ARHGAP15: variants seen among roughly 807,000 people sequenced by gnomAD.
ARHGAP15 encodes the protein rho GTPase-activating protein 15.
ARHGAP15 carries 51 observed loss-of-function variants against 63.7 expected under a neutral mutation model. The ratio of observed to expected loss-of-function variants is 0.80; its 90% CI spans 0.64 to 1.01. ARHGAP15 has a LOEUF of 1.01. Ranked by LOEUF, ARHGAP15 falls within the 50% of genes least tolerant of loss-of-function variation. The pLI, the probability that ARHGAP15 is intolerant of heterozygous loss-of-function variation, is 0.00. For synonymous variants in ARHGAP15, 191 were observed against 193.8 expected (o/e 0.99, Z 0.12); for missense variants, 560 against 564.6 (o/e 0.99, Z 0.08).
intron 6 of ARHGAP15, among the ~76,000 whole-genome samples, chr2:143,391,164 T>C (rs1208392722): frequency 2.0e-5 from 3 of 152,210 alleles, no homozygotes; most frequent in Non-Finnish European, 4.4e-5. Flanking sequence ...ACAAAAGTTA[T>C]TACAGGTCCA....
At chr2:143,305,711 ATCT>A (rs879560762) in intron 6 of ARHGAP15, among the ~76,000 whole-genome samples, 12 of 152,118 alleles carry the variant, frequency 7.9e-5, no homozygotes, top group South Asian at 4.1e-4. Context: ...GATACAATCA[ATCT>A]TCTTATTGCA....
intron 1 of ARHGAP15, among the ~76,000 whole-genome samples, chr2:143,136,138 C>T (rs995764588): frequency 6.6e-6 from 1 of 151,648 alleles, no homozygotes; most frequent in Admixed American, 6.6e-5. Flanking sequence ...GGACAAGAGT[C>T]TAAGAATTAT....
intron 10 of ARHGAP15, among the ~76,000 whole-genome samples, chr2:143,538,660 CTCTGTTT>C (rs1694893387): frequency 2.0e-5 from 3 of 152,244 alleles, no homozygotes; most frequent in Non-Finnish European, 4.4e-5. Context: ...GTCTTTGATT[CTCTGTTT>C]ATGCTGGATT....
At chr2:143,286,828 A>T (rs546441153) in intron 6 of ARHGAP15, among the ~76,000 whole-genome samples, 171 of 152,342 alleles carry the variant, frequency 1.1e-3, no homozygotes, top group African/African-American at 3.9e-3. Flanking sequence ...TTACACAAAC[A>T]TAGATGGTAT....
chr2:143,196,358 A>C (rs1691886929), intron 2 of ARHGAP15, among the ~76,000 whole-genome samples: 1 of 152,084 alleles, frequency 6.6e-6, no homozygotes, highest in African/African-American at 2.4e-5. Context: ...AGGACGTGAT[A>C]ATTCAATAGG....
chr2:143,383,590 A>T (rs1472625950), intron 6 of ARHGAP15, among the ~76,000 whole-genome samples: 1 of 152,232 alleles, frequency 6.6e-6, no homozygotes, highest in African/African-American at 2.4e-5. Flanking sequence ...TCTCGATATT[A>T]AGCCAGATCC....
chr2:143,396,890 T>TTA (rs2104984731), intron 6 of ARHGAP15, among the ~76,000 whole-genome samples: 1 of 152,208 alleles, frequency 6.6e-6, no homozygotes, highest in African/African-American at 2.4e-5. Flanking sequence ...TGAAGATTAT[T>TTA]TATATGAATT....
intron 10 of ARHGAP15, among the ~76,000 whole-genome samples, chr2:143,550,787 T>G (rs975856249): frequency 2.0e-5 from 3 of 152,152 alleles, no homozygotes; most frequent in Non-Finnish European, 4.4e-5. Context: ...CATGTTCCCT[T>G]TTTAAAAAAT....
At chr2:143,273,775 A>C (rs1339714531) in intron 6 of ARHGAP15, among the ~76,000 whole-genome samples, 1 of 152,158 alleles carries the variant, frequency 6.6e-6, no homozygotes, top group African/African-American at 2.4e-5. Context: ...ATTTCCAAAA[A>C]TTTCATTTCC....
At chr2:143,539,304 G>A (rs13031647) in intron 10 of ARHGAP15, among the ~76,000 whole-genome samples, 5 of 151,456 alleles carry the variant, frequency 3.3e-5, no homozygotes, top group African/African-American at 1.2e-4. Flanking sequence ...CGGTCTATCA[G>A]TTTTGTTGAT....
intron 10 of ARHGAP15, among the ~76,000 whole-genome samples, chr2:143,526,107 G>T (rs778327908): frequency 5.9e-5 from 9 of 151,402 alleles, no homozygotes; most frequent in Non-Finnish European, 1.3e-4. Context: ...CTCTGTATAC[G>T]GAGCTGGTTA....
At chr2:143,267,426 G>A (rs1018688091) in intron 6 of ARHGAP15, among the ~76,000 whole-genome samples, 2 of 152,146 alleles carry the variant, frequency 1.3e-5, no homozygotes, top group East Asian at 3.8e-4. Context: ...CCTGCATGCC[G>A]ATTCATATCT....
intron 6 of ARHGAP15, among the ~76,000 whole-genome samples, chr2:143,293,334 G>A (rs1432501618): frequency 6.6e-6 from 1 of 152,008 alleles, no homozygotes; most frequent in African/African-American, 2.4e-5. Context: ...TACATGCCAG[G>A]TGTGTTTCTA....
intron 6 of ARHGAP15, among the ~76,000 whole-genome samples, chr2:143,336,856 A>C (rs1234740500): frequency 6.6e-6 from 1 of 152,124 alleles, no homozygotes; most frequent in Non-Finnish European, 1.5e-5. Context: ...TATTTACTCT[A>C]TAATATTTAT....
intron 8 of ARHGAP15, among the ~76,000 whole-genome samples, chr2:143,441,683 C>T (rs1689891200): frequency 6.6e-6 from 1 of 152,014 alleles, no homozygotes; most frequent in Non-Finnish European, 1.5e-5. Flanking sequence ...GTGTGGAGAC[C>T]TTGGATAACT....
intron 6 of ARHGAP15, among the ~76,000 whole-genome samples, chr2:143,366,654 A>G (rs981052351): frequency 2.0e-5 from 3 of 152,098 alleles, no homozygotes; most frequent in African/African-American, 4.8e-5. Context: ...AAAAATCTAT[A>G]TGTTTCAGTT....
At chr2:143,321,463 G>A (rs1227467276) in intron 6 of ARHGAP15, among the ~76,000 whole-genome samples, 1 of 152,222 alleles carries the variant, frequency 6.6e-6, no homozygotes, top group African/African-American at 2.4e-5. Flanking sequence ...TCAGCTAATA[G>A]GAGAGAGTGC....
chr2:143,139,547 T>A (rs1052825700), intron 1 of ARHGAP15, among the ~76,000 whole-genome samples: 5 of 152,146 alleles, frequency 3.3e-5, no homozygotes, highest in African/African-American at 9.6e-5. Context: ...AGTAATAATG[T>A]CTATCATCTA....
At chr2:143,187,612 C>T (rs569789401) in intron 2 of ARHGAP15, among the ~76,000 whole-genome samples, 14 of 152,296 alleles carry the variant, frequency 9.2e-5, no homozygotes, top group South Asian at 6.2e-4. Flanking sequence ...AGACGTTAAA[C>T]GAATTGCCCT....
Sources: allele counts gnomAD v4.1 joint callset (sites outside exome capture counted in the v4.1 genomes callset), GRCh38; gene constraint gnomAD v4.1.1; transcripts MANE v1.5; gene names NCBI Gene and HGNC (gene_info 2026-07-23, HGNC 2026-07-21).